Variants in RBFOX1 observed in about 807,000 individuals in gnomAD.
RBFOX1 encodes the protein RNA binding fox-1 homolog 1, also known as RNA binding protein fox-1 homolog 1.
A neutral mutation model predicts 57.7 loss-of-function variants in RBFOX1; 8 were observed. The observed-to-expected ratio is 0.14, with a 90% CI of 0.08 to 0.25. The LOEUF (loss-of-function observed/expected upper bound fraction) is 0.25, where lower values mean the gene tolerates loss of function less well. RBFOX1 is among the 10% of genes least tolerant of loss of function. The pLI is 1.00. For missense variants in RBFOX1, 611 were observed against 548.5 expected (o/e 1.11, Z -1.14); for synonymous variants, 326 against 222.4 (o/e 1.47, Z -4.15).
intron 3 of RBFOX1, among the ~76,000 whole-genome samples, chr16:7,015,557 A>T (rs1056625544): frequency 1.9e-4 from 29 of 152,270 alleles, no homozygotes; most frequent in African/African-American, 7.0e-4. Flanking sequence ...ACTGCTTTGG[A>T]TAGAAGGTTG....
intron 1 of RBFOX1, among the ~76,000 whole-genome samples, chr16:5,387,601 T>C (rs1834559486): frequency 6.6e-6 from 1 of 152,234 alleles, no homozygotes; most frequent in African/African-American, 2.4e-5. Context: ...GACTGAAACA[T>C]AATCTCACGG....
In RBFOX1 at chr16:7,306,442, G is replaced by A. The variant is rs189643911; in HGVS notation, c.28-211705G>A. On this transcript the variant is annotated intron_variant, in intron 4 of 15. Coordinates refer to ENST00000550418, the MANE Select transcript of RBFOX1 (RefSeq NM_018723.4). ...TAGAAGTGACTAAATCAGCATCATG[G>A]TTCCATATGAAGATAGATGGAGGGT... Among the ~76,000 whole-genome samples, 136 of 152,266 alleles carry A rather than the reference G, an allele frequency of 8.9e-4. 1 individual carries two copies. Among genetic ancestry groups the A allele is most frequent in the Non-Finnish European group, 6.6e-4 (45 of 68,024 alleles).
chr16:6,710,512 G>C (rs2063532520), intron 3 of RBFOX1, among the ~76,000 whole-genome samples: 1 of 152,182 alleles, frequency 6.6e-6, no homozygotes, highest in African/African-American at 2.4e-5. Flanking sequence ...CACATTCCAA[G>C]TACTCAGAAC....
At chr16:6,495,621 C>A (rs1454433765) in intron 2 of RBFOX1, among the ~76,000 whole-genome samples, 3 of 152,190 alleles carry the variant, frequency 2.0e-5, no homozygotes, top group African/African-American at 7.2e-5. Flanking sequence ...CACAGCTCTG[C>A]CTTAAAGCTT....
intron 4 of RBFOX1, among the ~76,000 whole-genome samples, chr16:7,401,969 C>G (rs560748046): frequency 1.3e-5 from 2 of 152,170 alleles, no homozygotes; most frequent in African/African-American, 2.4e-5. Flanking sequence ...AATAATACAT[C>G]AAGCATGCAG....
chr16:7,560,083 C>T (rs545560485), intron 5 of RBFOX1, among the ~76,000 whole-genome samples: 8 of 152,282 alleles, frequency 5.3e-5, no homozygotes, highest in South Asian at 2.1e-4. Context: ...TCTGGGTGTT[C>T]CACACCCTTA....
At chr16:7,582,690 C>T (rs556838907) in intron 6 of RBFOX1, among the ~76,000 whole-genome samples, 6 of 152,256 alleles carry the variant, frequency 3.9e-5, no homozygotes, top group African/African-American at 9.6e-5. Context: ...GTACTTCTCA[C>T]GTTATTTGGA....
At chr16:7,396,926 G>C (rs1308736486) in intron 4 of RBFOX1, among the ~76,000 whole-genome samples, 1 of 152,088 alleles carries the variant, frequency 6.6e-6, no homozygotes, top group African/African-American at 2.4e-5. Flanking sequence ...GGGCTATAGG[G>C]TGAGACTGTC....
chr16:5,246,352 T>C (rs999237971), intron 1 of RBFOX1, among the ~76,000 whole-genome samples: 1 of 152,234 alleles, frequency 6.6e-6, no homozygotes, highest in Non-Finnish European at 1.5e-5. Context: ...TGACAAAAAG[T>C]ATGTACAAGA....
chr16:7,695,649 C>CAAAAAAAAA (rs34363093), intron 14 of RBFOX1, among the ~76,000 whole-genome samples: 1 of 98,400 alleles, frequency 1.0e-5, no homozygotes, highest in South Asian at 3.7e-4. Context: ...AAGCCTCCAT[C>CAAAAAAAAA]AAAAAAAAAA....
At chr16:6,502,706 C>T (rs1170441238) in intron 2 of RBFOX1, among the ~76,000 whole-genome samples, 1 of 152,070 alleles carries the variant, frequency 6.6e-6, no homozygotes, top group Admixed American at 6.6e-5. Context: ...TTTGCCATTA[C>T]CACCGGACCC....
intron 2 of RBFOX1, among the ~76,000 whole-genome samples, chr16:6,641,802 G>A (rs1270415021): frequency 6.8e-6 from 1 of 146,150 alleles, no homozygotes; most frequent in Non-Finnish European, 1.5e-5. Flanking sequence ...GAGCCTTTCA[G>A]GCCTGGCCTT....
intron 3 of RBFOX1, among the ~76,000 whole-genome samples, chr16:5,795,518 T>G (rs541796589): frequency 6.6e-6 from 1 of 152,252 alleles, no homozygotes; most frequent in East Asian, 1.9e-4. Flanking sequence ...TGTGAATTCC[T>G]GGGCTCAAAC....
At chr16:5,375,757 C>A (rs569289680) in intron 1 of RBFOX1, among the ~76,000 whole-genome samples, 59 of 152,308 alleles carry the variant, frequency 3.9e-4, no homozygotes, top group African/African-American at 1.4e-3. Flanking sequence ...ATTTGGCCTG[C>A]CAGCTGCAGT....
At chr16:7,080,661 C>A (rs1053579320) in intron 4 of RBFOX1, among the ~76,000 whole-genome samples, 1 of 152,158 alleles carries the variant, frequency 6.6e-6, no homozygotes, top group Non-Finnish European at 1.5e-5. Flanking sequence ...TAGCTGCATG[C>A]TGCCATTTTG....
chr16:6,906,342 C>A lies in RBFOX1; in HGVS notation c.-15-145715C>A, dbSNP rs763256613. On this transcript the variant is annotated intron_variant, in intron 3 of 15. Transcript: ENST00000550418. ...GTATTCAATTGTGTCTCAGGCACTACCTAATGATTGTTGAAAACTCGGTAA... is the reference window on the plus strand; with the variant it reads ...GTATTCAATTGTGTCTCAGGCACTAACTAATGATTGTTGAAAACTCGGTAA... Among the ~76,000 whole-genome samples, 5 of 151,844 alleles carry A rather than the reference C, an allele frequency of 3.3e-5. No homozygotes were observed. In the South Asian group the frequency reaches 6.2e-4, roughly 19 times the overall value.
intron 1 of RBFOX1, among the ~76,000 whole-genome samples, chr16:6,074,073 C>A (rs1009711518): frequency 6.6e-6 from 1 of 152,072 alleles, no homozygotes; most frequent in East Asian, 1.9e-4. Flanking sequence ...CTCAGCCTCC[C>A]GAGTAGCTGG....
intron 1 of RBFOX1, among the ~76,000 whole-genome samples, chr16:6,184,685 G>T (rs937647016): frequency 6.6e-6 from 1 of 151,812 alleles, no homozygotes; most frequent in Non-Finnish European, 1.5e-5. Flanking sequence ...TCACCGTCTC[G>T]AGTAGCTGGG....
chr16:7,234,492 A>G (rs1276342501), intron 4 of RBFOX1, among the ~76,000 whole-genome samples: 1 of 151,998 alleles, frequency 6.6e-6, no homozygotes, highest in African/African-American at 2.4e-5. Context: ...ACCAGGCTCA[A>G]AGTTTGTCTT....
Sources: allele counts gnomAD v4.1 joint callset (sites outside exome capture counted in the v4.1 genomes callset), GRCh38; gene constraint gnomAD v4.1.1; transcripts MANE v1.5; gene names NCBI Gene and HGNC (gene_info 2026-07-23, HGNC 2026-07-21).